Variants in NCOA7 observed in about 807,000 individuals in gnomAD.
NCOA7 encodes the protein nuclear receptor coactivator 7, also known as 140 kDa estrogen receptor-associated protein.
In NCOA7, 45 loss-of-function variants were observed where a neutral mutation model predicts 104.3. The observed-to-expected ratio is 0.43, with a 90% CI of 0.34 to 0.55. The LOEUF (loss-of-function observed/expected upper bound fraction) is 0.55. NCOA7 is among the 20% of genes least tolerant of loss of function. The pLI is 0.02. For synonymous variants in NCOA7, 398 were observed against 402.3 expected, an observed-to-expected ratio of 0.99 and a Z score of 0.13; for missense variants, 1,041 against 1,119.7, an observed-to-expected ratio of 0.93 and a Z score of 1.00.
intron 4 of NCOA7, 120 bp from the exon 5 acceptor site, chr6:125,878,143 G>A (rs1257667892): frequency 5.9e-6 from 3 of 511,732 alleles, no homozygotes; most frequent in African/African-American, 2.0e-5. Flanking sequence ...CTTTCTTATA[G>A]TCTATCTTGA....
chr6:125,826,449 T>G (rs1369133065), intron 2 of NCOA7, among the ~76,000 whole-genome samples: 1 of 152,154 alleles, frequency 6.6e-6, no homozygotes, highest in African/African-American at 2.4e-5. Context: ...CCTATTTGTT[T>G]TTAATGCATA....
chr6:125,797,217 T>C (rs907961073), intron 1 of NCOA7, among the ~76,000 whole-genome samples: 1 of 152,180 alleles, frequency 6.6e-6, no homozygotes, highest in Non-Finnish European at 1.5e-5. Flanking sequence ...TTGACCCTGA[T>C]AGATGACATG....
intron 3 of NCOA7, among the ~76,000 whole-genome samples, chr6:125,868,520 T>A (rs984619108): frequency 2.0e-5 from 3 of 152,238 alleles, no homozygotes; most frequent in Non-Finnish European, 4.4e-5. Context: ...TGAAAATGTG[T>A]CATGGTTGCT....
rs751055979 is a variant in NCOA7, at chr6:125,889,222, C to A, written c.1168C>A (p.Leu390Ile). 8 of 1,613,870 alleles carry A rather than the reference C, an allele frequency of 5.0e-6. No individual in the cohort carries two copies. Among genetic ancestry groups the A allele is most frequent in the Non-Finnish European group, 5.1e-6 (6 of 1,180,002 alleles). ...TSHGSPTVTK[L>I]SKEPSDTSSA... Reference sequence around the variant, plus strand: ...CCATGGTTCTCCCACAGTGACTAAGCTCAGCAAGGAACCTTCCGACACTTC... The same window carrying A: ...CCATGGTTCTCCCACAGTGACTAAGATCAGCAAGGAACCTTCCGACACTTC... Residue 390 changes from leucine (L) to isoleucine (I), a missense_variant, in exon 9 of 16, where the codon CTC becomes ATC. Around this residue, in one of 2 missense-constraint regions of NCOA7, gnomAD observed 914 missense variants for 942.7 expected, o/e 0.97. Coordinates refer to ENST00000392477, the MANE Select transcript of NCOA7 (RefSeq NM_181782.5).
At position 125,826,724 on chromosome 6, in the gene NCOA7, C is replaced by T. The variant is rs565430728; in HGVS notation, c.50+11320C>T. Among the ~76,000 whole-genome samples the T allele has an allele frequency of 5.9e-5, 9 of 152,244 alleles. No individual in the cohort carries two copies. In the East Asian group the frequency reaches 7.7e-4, roughly 13 times the overall value. On this transcript the variant is annotated intron_variant, in intron 2 of 15. Coordinates refer to ENST00000392477, the MANE Select transcript of NCOA7 (RefSeq NM_181782.5). ...TTATGGAGAATACTTTTCACAAATA[C>T]GTTGTCTTAGTTCATTTTGTGTTGC...
chr6:125,889,995 C>T lies in NCOA7; in HGVS notation c.1927+14C>T. ...TACCCATTGAAGGTAAGCTGTTTTTCTTTAATGCCTTTATATTCTGTTGCA... is the reference window on the plus strand; with the variant it reads ...TACCCATTGAAGGTAAGCTGTTTTTTTTTAATGCCTTTATATTCTGTTGCA... On this transcript the variant is annotated intron_variant, in intron 9 of 15. Transcript: ENST00000392477. The T allele has an allele frequency of 6.7e-7, 1 of 1,486,868 alleles. No individual in the cohort carries two copies. The allele number at this position is 1,486,868 out of a possible 1,614,324, so 92.1% of individuals were successfully genotyped here. A position where few individuals can be genotyped will look rare whatever the true frequency, so the allele number is the denominator to read the frequency against.
chr6:125,922,636 T>C, intron 12 of NCOA7, 46 bp from the exon 13 acceptor site: 1 of 1,589,118 alleles, frequency 6.3e-7, no homozygotes, highest in Non-Finnish European at 8.6e-7. Flanking sequence ...TCGTGAGCAA[T>C]TTGTGGGTGA....
chr6:125,808,596 A>C (rs992552332), intron 1 of NCOA7, among the ~76,000 whole-genome samples: 2 of 152,158 alleles, frequency 1.3e-5, no homozygotes, highest in Non-Finnish European at 2.9e-5. Context: ...TTTCTTACCA[A>C]ACTGCCTTAA....
intron 2 of NCOA7, among the ~76,000 whole-genome samples, chr6:125,849,218 G>C (rs2128613273): frequency 6.6e-6 from 1 of 152,228 alleles, no homozygotes; most frequent in African/African-American, 2.4e-5. Context: ...GGAGCCCCTT[G>C]CTCACTTCTG....
chr6:125,793,390 C>T (rs965080999), intron 1 of NCOA7, among the ~76,000 whole-genome samples: 2 of 152,164 alleles, frequency 1.3e-5, no homozygotes, highest in African/African-American at 4.8e-5. Context: ...AGGAGTTGAG[C>T]CTTTAACTGC....
At chr6:125,917,551 G>A (rs183582911) in intron 11 of NCOA7, among the ~76,000 whole-genome samples, 5 of 152,310 alleles carry the variant, frequency 3.3e-5, no homozygotes, top group African/African-American at 9.6e-5. Flanking sequence ...GTAGATTTTG[G>A]CATCTGTATC....
chr6:125,899,051 T>TA (rs1434945859), intron 10 of NCOA7, among the ~76,000 whole-genome samples: 2 of 152,168 alleles, frequency 1.3e-5, no homozygotes, highest in African/African-American at 4.8e-5. Context: ...TGCTTTTCCT[T>TA]AAAAATGTGT....
Position 125,929,006 on chromosome 6 carries a change from C to A in NCOA7, c.*235C>A. The A allele has an allele frequency of 2.4e-6, 1 of 409,232 alleles. No homozygotes were observed. The highest frequency in any genetic ancestry group is 4.1e-5 in the East Asian group (1 of 24,604). 25.4% of individuals were successfully genotyped at this position (409,232 alleles called of 1,614,324 possible). ...GGTTGTTGAAAAGACTTTGTACTCC[C>A]ACTTCCTCCAAATCCATACAGTGAG... On this transcript the variant is annotated 3_prime_UTR_variant, in exon 16 of 16. Coordinates refer to ENST00000392477, the MANE Select transcript of NCOA7 (RefSeq NM_181782.5).
chr6:125,917,659 ACACAAGC>A (rs1161989191), intron 11 of NCOA7, among the ~76,000 whole-genome samples: 1 of 152,200 alleles, frequency 6.6e-6, no homozygotes, highest in Non-Finnish European at 1.5e-5. Flanking sequence ...GGAAAAAGAG[ACACAAGC>A]CACAGTAGGA....
At chr6:125,860,357 C>A (rs910958390) in intron 3 of NCOA7, among the ~76,000 whole-genome samples, 1 of 151,820 alleles carries the variant, frequency 6.6e-6, no homozygotes, top group African/African-American at 2.4e-5. Flanking sequence ...TTTTCTTTTT[C>A]TTTTTGTTGA....
chr6:125,880,079 G>T lies in NCOA7; in HGVS notation c.460-1011G>T, dbSNP rs9372829. Reference sequence around the variant, plus strand: ...TCATTAAAAGAATATTGAATGACAGGATTGTAGTAATGTTTTGAGAACCAG... The same window carrying T: ...TCATTAAAAGAATATTGAATGACAGTATTGTAGTAATGTTTTGAGAACCAG... On this transcript the variant is annotated intron_variant, in intron 5 of 15. Coordinates refer to ENST00000392477, the MANE Select transcript of NCOA7 (RefSeq NM_181782.5). Among the ~76,000 whole-genome samples, 947 of 152,278 alleles carry T rather than the reference G, an allele frequency of 6.2e-3. 20 individuals carry two copies. Among genetic ancestry groups the T allele is most frequent in the East Asian group, 0.044 (230 of 5,186 alleles).
intron 1 of NCOA7, among the ~76,000 whole-genome samples, chr6:125,814,233 C>T (rs1222941854): frequency 6.6e-6 from 1 of 152,194 alleles, no homozygotes; most frequent in Non-Finnish European, 1.5e-5. Flanking sequence ...TGGCTCACTG[C>T]AACCTCTGCC....
intron 3 of NCOA7, among the ~76,000 whole-genome samples, chr6:125,861,774 C>T (rs779663868): frequency 3.3e-5 from 5 of 151,818 alleles, no homozygotes; most frequent in African/African-American, 7.3e-5. Context: ...TGGTGGCTCA[C>T]GCCTATAATC....
intron 1 of NCOA7, among the ~76,000 whole-genome samples, chr6:125,793,044 C>T (rs1774999744): frequency 2.0e-5 from 3 of 152,162 alleles, no homozygotes; most frequent in South Asian, 4.1e-4. Context: ...TACTTTATTA[C>T]TATTGCTTCT....
Sources: gnomAD v4.1 joint callset for allele counts (sites outside exome capture counted in the v4.1 genomes callset) on GRCh38, gnomAD v4.1.1 for gene constraint, gnomAD v4.1.1 regional missense constraint, MANE v1.5 for transcripts, NCBI Gene and HGNC (gene_info 2026-07-23, HGNC 2026-07-21) for gene names.